The following PPP1R9B variants were observed in gnomAD, a reference collection of about 807,000 sequenced individuals.
The protein encoded by PPP1R9B is protein phosphatase 1 regulatory subunit 9B, also known as neurabin-2.
A neutral mutation model predicts 75.8 loss-of-function variants in PPP1R9B; 17 were observed. That is an observed-to-expected ratio of 0.22 (90% CI 0.15 to 0.34). PPP1R9B has a LOEUF of 0.34. Ranked by LOEUF, PPP1R9B falls within the 10% of genes least tolerant of loss-of-function variation. PPP1R9B has a pLI of 1.00. For missense variants in PPP1R9B, 875 were observed against 1,196.0 expected, an observed-to-expected ratio of 0.73 and a Z score of 3.96; for synonymous variants, 509 against 535.4, an observed-to-expected ratio of 0.95 and a Z score of 0.68.
At chr17:50,141,436 T>G in intron 3 of PPP1R9B, 63 bp from the exon 4 acceptor site, 1 of 1,112,900 alleles carries the variant, frequency 9.0e-7, no homozygotes, top group Non-Finnish European at 1.3e-6. Context: ...AGAGGTAGCC[T>G]CCTCCCATCA....
chr17:50,136,611 T>C (rs1598244416), intron 7 of PPP1R9B, among the ~76,000 whole-genome samples: 1 of 152,182 alleles, frequency 6.6e-6, no homozygotes, highest in Non-Finnish European at 1.5e-5. Flanking sequence ...CATTACTCTC[T>C]GTCCCCTCTC....
chr17:50,148,712 G>A (rs1347409643), intron 1 of PPP1R9B, among the ~76,000 whole-genome samples: 1 of 152,238 alleles, frequency 6.6e-6, no homozygotes, highest in Non-Finnish European at 1.5e-5. Context: ...CAGGGGGAAA[G>A]CACCCCGGCC....
At position 50,149,348 on chromosome 17, in the gene PPP1R9B, T is replaced by A. The variant is rs1912612239; in HGVS notation, c.1166A>T (p.Glu389Val). 1 of 1,613,104 alleles carries A rather than the reference T, an allele frequency of 6.2e-7. No individual in the cohort carries two copies. The highest frequency in any genetic ancestry group is 8.5e-7 in the Non-Finnish European group (1 of 1,179,758). Residue 389 changes from glutamate (E) to valine (V), a missense_variant, in exon 1 of 10, where the codon GAG becomes GTG. Physicochemically the swap from Glu to Val is moderately radical, Grantham distance 121. Transcript: ENST00000612501. This position sits in a 1 kb window ranked among gnomAD's most constrained non-coding sequence, Gnocchi z 7.2. ...GGCGCTCACGTCCACCAAGTCCGCCTCCGAGAAGTCCTCCTTCTTGGATTC... is the reference window on the plus strand; with the variant it reads ...GGCGCTCACGTCCACCAAGTCCGCCACCGAGAAGTCCTCCTTCTTGGATTC... ...VDESKKEDFSEADLVDVSAYS... is the reference protein window; with the variant it reads ...VDESKKEDFSVADLVDVSAYS...
intron 4 of PPP1R9B, 54 bp downstream of exon 4, chr17:50,141,215 G>A (rs879014974): frequency 3.4e-6 from 4 of 1,173,820 alleles, no homozygotes; most frequent in South Asian, 2.6e-5. Flanking sequence ...TGAACGGAGT[G>A]CCTGGACGAG....
At chr17:50,145,658 C>G (rs2144452948) in intron 1 of PPP1R9B, among the ~76,000 whole-genome samples, 1 of 151,398 alleles carries the variant, frequency 6.6e-6, no homozygotes, top group East Asian at 1.9e-4. Context: ...GAGGAAGGAA[C>G]AGGCTGAGCA....
Position 50,149,239 on chromosome 17 carries a change from G to A in PPP1R9B, c.1275C>T (p.Tyr425=), listed in dbSNP as rs181028466. 6,414 of 1,609,956 alleles carry A rather than the reference G, an allele frequency of 4.0e-3. 21 individuals are homozygous for A. Among genetic ancestry groups the A allele is most frequent in the Non-Finnish European group, 4.8e-3 (5,683 of 1,178,522 alleles). The change falls in exon 1 of 10, where the codon TAC becomes TAT. Residue 425 remains tyrosine (Y), a synonymous_variant. Coordinates refer to ENST00000612501, the MANE Select transcript of PPP1R9B (RefSeq NM_032595.5). This position sits in a 1 kb window ranked among gnomAD's most constrained non-coding sequence, Gnocchi z 7.2. Reference sequence around the variant, plus strand: ...TCTCCACGCACCCCGACTCGGGCTCGTAGGGGGGCTCCCCATCCTCCTCGT... The same window carrying A: ...TCTCCACGCACCCCGACTCGGGCTCATAGGGGGGCTCCCCATCCTCCTCGT... The part of the protein sequence containing the change: ...EDDEEDGEPP[Y]EPESGCVEIP...
chr17:50,136,072 C>A lies in PPP1R9B; in HGVS notation c.2199G>T (p.Leu733=), dbSNP rs367543184. 2 of 1,612,606 alleles carry A rather than the reference C, an allele frequency of 1.2e-6. No homozygotes were observed. The highest frequency in any genetic ancestry group is 1.7e-6 in the Non-Finnish European group (2 of 1,179,770). Reference sequence around the variant, plus strand: ...GCAGGTGCTCGTCCACAGCCTGGCACAGGCTCTGGGCCTCACCCCAGTAGC... The same window carrying A: ...GCAGGTGCTCGTCCACAGCCTGGCAAAGGCTCTGGGCCTCACCCCAGTAGC... ...LEGYWGEAQS[L]CQAVDEHLRE... Residue 733 remains leucine (L), a synonymous_variant, in exon 8 of 10, where the codon CTG becomes CTT. Transcript: ENST00000612501.
In PPP1R9B at chr17:50,150,478, G is replaced by A. The variant is rs1598252368; in HGVS notation, c.36C>T (p.Pro12=). Residue 12 remains proline, a synonymous_variant, in exon 1 of 10, where the codon CCC becomes CCT. Coordinates refer to ENST00000612501, the MANE Select transcript of PPP1R9B (RefSeq NM_032595.5). This position sits in a 1 kb window ranked among gnomAD's most constrained non-coding sequence, Gnocchi z 8.7. ...TGCGGTGCGGGGAGGCGCTCCGGAG[G>A]GGACCCCCGGGCCCCCGTGGCTCCG... ...MKTEPRGPGG[P]LRSASPHRSA... is the part of the protein sequence containing the mutation. 5 of 1,370,976 alleles carry A rather than the reference G, an allele frequency of 3.6e-6. No individual in the cohort carries two copies. The African/African-American group carries it at 6.1e-5, about 17-fold the overall frequency. 84.9% of individuals were successfully genotyped at this position (1,370,976 alleles called of 1,614,324 possible).
In PPP1R9B at chr17:50,149,297, G is replaced by T; in HGVS notation, c.1217C>A (p.Ala406Glu). The T allele has an allele frequency of 6.2e-7, 1 of 1,613,042 alleles. No homozygotes were observed. Residue 406 changes from alanine to glutamate, a missense_variant, in exon 1 of 10, where the codon GCG (alanine) becomes GAG (glutamate). By Grantham distance (107) the Ala-to-Glu change is moderately radical. This residue lies in a region of PPP1R9B where 449 missense variants were observed against 475.0 expected (regional missense o/e 0.95). Transcript: ENST00000612501. This position sits in a 1 kb window ranked among gnomAD's most constrained non-coding sequence, Gnocchi z 7.2. ...GTCGTCCTCCTCCAGGGCACTGCCC[G>T]CAGAGTCCTCCCCGAGCCCACTGTA... is the stretch of plus-strand genomic sequence containing the variant. ...SAYSGLGEDSAGSALEEDDED... is the reference protein window; with the variant it reads ...SAYSGLGEDSEGSALEEDDED...
Position 50,139,545 on chromosome 17 carries a change from T to C in PPP1R9B, c.1903A>G (p.Ser635Gly). The part of the protein sequence containing the change: ...EYATDEDEEL[S>G]PTFPGGEMAI... The stretch of plus-strand genomic sequence containing the variant: ...ATCTCACCACCCGGGAACGTGGGGC[T>C]CAGCTCCTCATCCTCGTCAGTGGCA... Residue 635 changes from serine to glycine, a missense_variant, in exon 6 of 10, where the codon AGC (serine) becomes GGC (glycine). By Grantham distance (56) the Ser-to-Gly change is moderately conservative (BLOSUM62 0). This residue lies in a region of PPP1R9B where 218 missense variants were observed against 334.6 expected (regional missense o/e 0.65). Coordinates refer to ENST00000612501, the MANE Select transcript of PPP1R9B (RefSeq NM_032595.5). The surrounding 1 kb of genome is among the most constrained non-coding windows in gnomAD (Gnocchi z 5.0). 1.3e-6 allele frequency: 2 copies of C among 1,585,764 alleles called. No homozygotes were observed. The highest frequency in any genetic ancestry group is 2.2e-5 in the East Asian group (1 of 44,644).
In PPP1R9B at chr17:50,135,957, C is replaced by T. The variant is rs969000659; in HGVS notation, c.2303+11G>A. The T allele has an allele frequency of 3.2e-6, 5 of 1,540,598 alleles. No individual in the cohort carries two copies. The highest frequency in any genetic ancestry group is 2.7e-5 in the African/African-American group (2 of 72,968). Reference sequence around the variant, plus strand: ...CCCTGGGCCCAGCCCGCCCAGCCCCCAGCCACGTACTTCTGCTGGTAGTCC... The same window carrying T: ...CCCTGGGCCCAGCCCGCCCAGCCCCTAGCCACGTACTTCTGCTGGTAGTCC... On this transcript the variant is annotated intron_variant, in intron 8 of 9. Coordinates refer to ENST00000612501, the MANE Select transcript of PPP1R9B (RefSeq NM_032595.5).
At chr17:50,135,934 C>G (rs1912216173) in intron 8 of PPP1R9B, 34 bp downstream of exon 8, 2 of 1,456,830 alleles carry the variant, frequency 1.4e-6, no homozygotes, top group East Asian at 5.0e-5. Context: ...TCAATGCTCC[C>G]TGGGCCCAGC....
rs943567762 is a variant in PPP1R9B, at chr17:50,147,239, C to A, written c.1371+1904G>T. The stretch of plus-strand genomic sequence containing the variant: ...TGCCCACCATGATATGCCGGTCTAG[C>A]AGAGGGCCCTAGGGGAGGTCCCACC... On this transcript the variant is annotated intron_variant, in intron 1 of 9. Transcript: ENST00000612501. Among the ~76,000 whole-genome samples, 6 of 152,354 alleles carry A rather than the reference C, an allele frequency of 3.9e-5. No homozygotes were observed. In the East Asian group the frequency reaches 9.6e-4, roughly 24 times the overall value.
intron 7 of PPP1R9B, among the ~76,000 whole-genome samples, chr17:50,138,779 C>T (rs1301741787): frequency 1.3e-5 from 2 of 152,152 alleles, no homozygotes; most frequent in African/African-American, 2.4e-5. Context: ...TGTGCGCTAC[C>T]ACACCTGGCT....
intron 7 of PPP1R9B, among the ~76,000 whole-genome samples, chr17:50,138,297 A>G (rs2144442470): frequency 6.6e-6 from 1 of 152,204 alleles, no homozygotes; most frequent in East Asian, 1.9e-4. Flanking sequence ...AGGTGGTCTG[A>G]TCGATGGCCA....
At chr17:50,136,317 C>A (rs1018184192) in intron 7 of PPP1R9B, 120 bp from the exon 8 acceptor site, 20 of 752,652 alleles carry the variant, frequency 2.7e-5, no homozygotes, top group Non-Finnish European at 4.0e-5. Flanking sequence ...GTCCATTGCA[C>A]CCCAACTACT....
At chr17:50,143,756 G>C (rs765639426) in intron 2 of PPP1R9B, 38 bp from the exon 3 acceptor site, 1 of 1,611,490 alleles carries the variant, frequency 6.2e-7, no homozygotes, top group Non-Finnish European at 8.5e-7. Context: ...AGGGCTTGTA[G>C]GGGACAGACG....
chr17:50,135,727 T>C, intron 8 of PPP1R9B, 78 bp from the exon 9 acceptor site: 1 of 1,271,414 alleles, frequency 7.9e-7, no homozygotes, highest in Non-Finnish European at 1.1e-6. Flanking sequence ...GGTCCTCAGC[T>C]TTACCTGGGC....
At position 50,149,335 on chromosome 17, in the gene PPP1R9B, C is replaced by T. The variant is rs767364272; in HGVS notation, c.1179G>A (p.Val393=). The T allele has an allele frequency of 5.0e-6, 8 of 1,613,448 alleles. No homozygotes were observed. The East Asian group carries it at 1.8e-4, about 36-fold the overall frequency. The change falls in exon 1 of 10, where the codon GTG becomes GTA. Residue 393 remains valine, a synonymous_variant. Transcript: ENST00000612501. The surrounding 1 kb of genome is among the most constrained non-coding windows in gnomAD (Gnocchi z 7.2). ...KKEDFSEADL[V]DVSAYSGLGE... ...CGAGCCCACTGTAGGCGCTCACGTC[C>T]ACCAAGTCCGCCTCCGAGAAGTCCT... is the stretch of plus-strand genomic sequence containing the variant.
Sources: allele counts gnomAD v4.1 joint callset (sites outside exome capture counted in the v4.1 genomes callset), GRCh38; gene constraint gnomAD v4.1.1; regional missense constraint gnomAD v4.1.1; non-coding constraint Gnocchi (gnomAD v3.1); transcripts MANE v1.5; gene names NCBI Gene and HGNC (gene_info 2026-07-23, HGNC 2026-07-21).